The following ABCB11 variants were observed in gnomAD, a reference collection of about 807,000 sequenced individuals.
ABCB11 encodes the protein ATP binding cassette subfamily B member 11, also known as bile salt export pump.
A neutral mutation model predicts 148.0 loss-of-function variants in ABCB11; 95 were observed. That is an observed-to-expected ratio of 0.64 (90% CI 0.54 to 0.76). The LOEUF is 0.76. Among genes scored for constraint, ABCB11 ranks in the 30% least tolerant of loss-of-function variants. The pLI is 0.00. For synonymous variants in ABCB11, 591 were observed against 555.4 expected (o/e 1.06, Z -0.90); for missense variants, 1,523 against 1,617.8 (o/e 0.94, Z 1.01).
chr2:168,968,248 T>C (rs1289576800), intron 17 of ABCB11, among the ~76,000 whole-genome samples, 179 bp downstream of exon 17: 1 of 151,808 alleles, frequency 6.6e-6, no homozygotes, highest in Non-Finnish European at 1.5e-5. Flanking sequence ...ACCCATGAAT[T>C]GGGGAGAGAA....
At chr2:168,950,496 ATC>A (rs1306786746) in intron 19 of ABCB11, among the ~76,000 whole-genome samples, 3 of 151,682 alleles carry the variant, frequency 2.0e-5, no homozygotes, top group Admixed American at 6.6e-5. Context: ...GTAAAATGGT[ATC>A]TCTTTGTGGT....
At chr2:169,014,404 G>T in intron 3 of ABCB11, 50 bp from the exon 4 acceptor site, 1 of 1,537,834 alleles carries the variant, frequency 6.5e-7, no homozygotes, top group South Asian at 1.1e-5. Context: ...CAATACAATG[G>T]GAAATTCTCC....
At chr2:169,016,678 G>T in intron 3 of ABCB11, 100 bp downstream of exon 3, 2 of 877,046 alleles carry the variant, frequency 2.3e-6, no homozygotes, top group Non-Finnish European at 1.8e-6. Flanking sequence ...TTTATATGAA[G>T]TGCAATGTGC....
intron 17 of ABCB11, 82 bp downstream of exon 17, chr2:168,968,345 G>C: frequency 6.2e-6 from 8 of 1,300,754 alleles, no homozygotes; most frequent in Non-Finnish European, 8.7e-6. Context: ...TTGTACCTGA[G>C]ATATTCTCTG....
intron 18 of ABCB11, among the ~76,000 whole-genome samples, chr2:168,958,931 G>A (rs1242694492): frequency 6.6e-6 from 1 of 151,596 alleles, no homozygotes; most frequent in Non-Finnish European, 1.5e-5. Flanking sequence ...AGGATTTTAG[G>A]TAGCTTATAT....
At chr2:168,982,098 C>T (rs1450313642) in intron 10 of ABCB11, among the ~76,000 whole-genome samples, 1 of 152,126 alleles carries the variant, frequency 6.6e-6, no homozygotes, top group African/African-American at 2.4e-5. Context: ...TTCTTTAGCC[C>T]TGTGAACAGC....
intron 5 of ABCB11, among the ~76,000 whole-genome samples, chr2:169,000,958 A>G (rs965001347): frequency 6.6e-6 from 1 of 152,034 alleles, no homozygotes; most frequent in African/African-American, 2.4e-5. Flanking sequence ...ATTTTGATTT[A>G]TCTATAGCGT....
At chr2:168,917,836 T>G (rs117326521), downstream of ABCB11, among the ~76,000 whole-genome samples, 529 of 152,306 alleles carry the variant, frequency 3.5e-3, 16 homozygotes, top group East Asian at 0.08. Context: ...TAGTAGCCAC[T>G]AGTGGCTCTT....
At chr2:169,004,237 T>G (rs1362334279) in intron 5 of ABCB11, among the ~76,000 whole-genome samples, 1 of 152,206 alleles carries the variant, frequency 6.6e-6, no homozygotes, top group Non-Finnish European at 1.5e-5. Flanking sequence ...GCCAGGGAAG[T>G]TTTCCTCAAT....
intron 13 of ABCB11, among the ~76,000 whole-genome samples, chr2:168,972,825 G>A (rs184051232): frequency 6.6e-6 from 1 of 152,118 alleles, no homozygotes; most frequent in East Asian, 1.9e-4. Context: ...ATGGGCTTTG[G>A]AACCCAACAC....
intron 13 of ABCB11, among the ~76,000 whole-genome samples, chr2:168,972,896 C>T (rs1259030064): frequency 6.6e-6 from 1 of 152,072 alleles, no homozygotes; most frequent in African/African-American, 2.4e-5. Flanking sequence ...AAGTTTCCAT[C>T]TCTCTGACTC....
intron 7 of ABCB11, among the ~76,000 whole-genome samples, chr2:168,994,206 T>C (rs1221316503): frequency 2.0e-5 from 3 of 152,108 alleles, no homozygotes; most frequent in African/African-American, 7.2e-5. Flanking sequence ...AGCTTTTCTT[T>C]CTTCATGCCT....
intron 5 of ABCB11, among the ~76,000 whole-genome samples, chr2:169,008,250 T>C (rs1695080613): frequency 6.6e-6 from 1 of 152,128 alleles, no homozygotes; most frequent in Non-Finnish European, 1.5e-5. Flanking sequence ...GAAATCAAGG[T>C]GCTGACAGGG....
chr2:168,933,589 G>C (rs534511386), intron 23 of ABCB11, among the ~76,000 whole-genome samples: 7 of 152,164 alleles, frequency 4.6e-5, no homozygotes, highest in Non-Finnish European at 1.0e-4. Flanking sequence ...TCATAAGCAG[G>C]AATTGTTTTA....
rs534012952 is a variant in ABCB11 at position 168,978,621 on chromosome 2, T to C, written c.1197+1245A>G. On this transcript the variant is annotated intron_variant, in intron 11 of 27. Transcript: ENST00000650372. ...GTTCAGGGAGCCCGCAAATCACCTC[T>C]GGATTTCCAGGGCTTGCTTTGGACT... is the stretch of plus-strand genomic sequence containing the variant. 2.6e-5 allele frequency among the ~76,000 whole-genome samples: 4 copies of C among 151,912 alleles called. No individual in the cohort carries two copies. In the South Asian group the frequency reaches 8.3e-4, roughly 32 times the overall value.
intron 13 of ABCB11, among the ~76,000 whole-genome samples, chr2:168,972,983 T>A (rs1348988603): frequency 2.6e-5 from 4 of 152,036 alleles, no homozygotes; most frequent in Non-Finnish European, 4.4e-5. Flanking sequence ...TTTAATAAAG[T>A]ATCTGACACA....
At chr2:168,920,466 T>G (rs1044913998), downstream of ABCB11, among the ~76,000 whole-genome samples, 2 of 152,184 alleles carry the variant, frequency 1.3e-5, no homozygotes, top group African/African-American at 4.8e-5. Context: ...TTTTCTTTTC[T>G]TATTTTTTCC....
chr2:168,970,315 C>G (rs1398804604), intron 14 of ABCB11, 100 bp from the exon 15 acceptor site: 2 of 1,545,128 alleles, frequency 1.3e-6, no homozygotes, highest in Non-Finnish European at 1.7e-6. Flanking sequence ...TCTTCTCAAG[C>G]ACGAATTTTC....
At chr2:169,026,455 G>A (rs918332434) in intron 1 of ABCB11, among the ~76,000 whole-genome samples, 1 of 152,162 alleles carries the variant, frequency 6.6e-6, no homozygotes, top group African/African-American at 2.4e-5. Context: ...GAAGGCCATT[G>A]TGCTGAAAAT....
Sources: allele counts gnomAD v4.1 joint callset (sites outside exome capture counted in the v4.1 genomes callset), GRCh38; gene constraint gnomAD v4.1.1; transcripts MANE v1.5; gene names NCBI Gene and HGNC (gene_info 2026-07-23, HGNC 2026-07-21).